Variants in DLGAP2 observed in about 807,000 individuals in gnomAD.
DLGAP2 encodes disks large-associated protein 2.
Under a neutral mutation model 100.3 loss-of-function variants are expected in DLGAP2, and 26 were observed. The ratio of observed to expected loss-of-function variants is 0.26; its 90% confidence interval spans 0.19 to 0.36. DLGAP2 has a LOEUF of 0.36. Ranked by LOEUF, DLGAP2 falls within the 10% of genes least tolerant of loss-of-function variation. The pLI is 1.00. For missense variants in DLGAP2, 1,858 were observed against 1,453.2 expected, an observed-to-expected ratio of 1.28 and a Z score of -4.53; for synonymous variants, 886 against 630.1, an observed-to-expected ratio of 1.41 and a Z score of -6.08.
At chr8:1,650,332 CCTT>C (rs989182658) in intron 8 of DLGAP2, among the ~76,000 whole-genome samples, 17 of 152,186 alleles carry the variant, frequency 1.1e-4, no homozygotes, top group Admixed American at 7.2e-4. Flanking sequence ...AACTTTTGTC[CCTT>C]CTTCTTATCA....
At chr8:1,141,826 A>C (rs972677356) in intron 2 of DLGAP2, among the ~76,000 whole-genome samples, 1 of 152,198 alleles carries the variant, frequency 6.6e-6, no homozygotes, top group East Asian at 1.9e-4. Flanking sequence ...TATTTATACA[A>C]AAGCTTGATG....
At chr8:1,082,351 A>G (rs1466693480) in intron 2 of DLGAP2, among the ~76,000 whole-genome samples, 2 of 152,054 alleles carry the variant, frequency 1.3e-5, no homozygotes, top group African/African-American at 2.4e-5. Context: ...TCCCATTTCT[A>G]CGTTTTCTTT....
chr8:928,204 C>T (rs1398396390), intron 2 of DLGAP2, among the ~76,000 whole-genome samples: 4 of 152,146 alleles, frequency 2.6e-5, no homozygotes, highest in East Asian at 1.9e-4. Context: ...GCCTCATGGA[C>T]GCAGATTTAC....
rs1554558685 is a variant in DLGAP2, at chr8:768,441, T to TTTC, written c.18+30616_18+30617insTTC. On this transcript the variant is annotated intron_variant, in intron 1 of 14. Coordinates refer to ENST00000637795, the MANE Select transcript of DLGAP2 (RefSeq NM_001346810.2). ...TGATTTTTTTTTTTTTTTTTTTTTT[T>TTTC]CTGACATGAATCTTGCTCTGTCTCC... Among the ~76,000 whole-genome samples the TTTC allele has an allele frequency of 4.2e-5, 6 of 143,434 alleles. 1 individual carries two copies. Among genetic ancestry groups the TTTC allele is most frequent in the African/African-American group, 5.1e-5 (2 of 39,098 alleles). 94.1% of individuals were successfully genotyped at this position (143,434 alleles called of 152,430 possible). A position where few individuals can be genotyped will look rare whatever the true frequency, so the allele number is the denominator to read the frequency against.
intron 3 of DLGAP2, among the ~76,000 whole-genome samples, chr8:1,443,418 G>A (rs567909655): frequency 6.6e-6 from 1 of 152,226 alleles, no homozygotes; most frequent in East Asian, 1.9e-4. Flanking sequence ...GGCTGTACAT[G>A]GGTTTATTTC....
At position 1,515,870 on chromosome 8, in the gene DLGAP2, C is replaced by A. The variant is rs1231804414; in HGVS notation, c.172+14439C>A. On this transcript the variant is annotated intron_variant, in intron 4 of 14. Coordinates refer to ENST00000637795, the MANE Select transcript of DLGAP2 (RefSeq NM_001346810.2). ...GACTCTTTAATTCCTTTCCCTTTTC[C>A]TCCACATCTCACAGAGGGATGGGCT... Among the ~76,000 whole-genome samples the A allele has an allele frequency of 4.6e-5, 7 of 152,242 alleles. 1 individual carries two copies. In the South Asian group the frequency reaches 8.3e-4, roughly 18 times the overall value.
At position 1,289,712 on chromosome 8, in the gene DLGAP2, C is replaced by G. The variant is rs567721283; in HGVS notation, c.106+30829C>G. Among the ~76,000 whole-genome samples the G allele has an allele frequency of 3.9e-5, 6 of 152,248 alleles. No individual in the cohort carries two copies. In the South Asian group the frequency reaches 1.2e-3, roughly 32 times the overall value. Reference sequence around the variant, plus strand: ...TTCTCACAGAAGTACCCCCCCGAGGCTAATGTTGTGAGACTGTGCAACCCC... The same window carrying G: ...TTCTCACAGAAGTACCCCCCCGAGGGTAATGTTGTGAGACTGTGCAACCCC... On this transcript the variant is annotated intron_variant, in intron 3 of 14. Transcript: ENST00000637795.
intron 2 of DLGAP2, among the ~76,000 whole-genome samples, chr8:979,376 T>G (rs1800264658): frequency 2.0e-5 from 3 of 152,228 alleles, no homozygotes; most frequent in Admixed American, 2.0e-4. Flanking sequence ...TAGTTGAACC[T>G]AACAGCAGAC....
At chr8:1,378,409 G>A (rs1032716884) in intron 3 of DLGAP2, among the ~76,000 whole-genome samples, 6 of 136,422 alleles carry the variant, frequency 4.4e-5, no homozygotes, top group South Asian at 2.4e-4. Context: ...ACCTGACTTC[G>A]CCTGTCCGTC....
In DLGAP2 at chr8:990,117, C is replaced by T. The variant is rs149470475; in HGVS notation, c.73+82151C>T. Among the ~76,000 whole-genome samples the T allele has an allele frequency of 2.0e-3, 301 of 152,134 alleles. 1 individual carries two copies. Among genetic ancestry groups the T allele is most frequent in the Middle Eastern group, 6.8e-3 (2 of 294 alleles). On this transcript the variant is annotated intron_variant, in intron 2 of 14. Coordinates refer to ENST00000637795, the MANE Select transcript of DLGAP2 (RefSeq NM_001346810.2). ...CATCTACGACTTCAGTGCTGTGTTA[C>T]CTCCTTTCTATCAGCCTGATGATTT...
intron 8 of DLGAP2, among the ~76,000 whole-genome samples, chr8:1,655,574 A>G (rs1331610680): frequency 1.3e-5 from 2 of 151,984 alleles, no homozygotes; most frequent in Non-Finnish European, 2.9e-5. Flanking sequence ...AGTGGTGTCC[A>G]GAATTCCAGG....
At chr8:1,067,425 G>C (rs1803289510) in intron 2 of DLGAP2, among the ~76,000 whole-genome samples, 2 of 152,170 alleles carry the variant, frequency 1.3e-5, no homozygotes, top group South Asian at 4.1e-4. Flanking sequence ...AGGCTCCTGA[G>C]TGTACTTGGG....
chr8:833,248 T>A (rs1796813813), intron 1 of DLGAP2, among the ~76,000 whole-genome samples: 1 of 152,198 alleles, frequency 6.6e-6, no homozygotes, highest in South Asian at 2.1e-4. Context: ...AGCACTCCAG[T>A]ACCCATTTCC....
Position 1,535,758 on chromosome 8 carries a change from C to G in DLGAP2, c.173-12868C>G, listed in dbSNP as rs141537670. On this transcript the variant is annotated intron_variant, in intron 4 of 14. Transcript: ENST00000637795. ...AGCTCTGAGCAGAATTCTCACATATCTCCACTTAGGACACATTGTTGAGCA... is the reference window on the plus strand; with the variant it reads ...AGCTCTGAGCAGAATTCTCACATATGTCCACTTAGGACACATTGTTGAGCA... Among the ~76,000 whole-genome samples, 388 of 152,352 alleles carry G rather than the reference C, an allele frequency of 2.5e-3. 2 individuals carry two copies. Among genetic ancestry groups the G allele is most frequent in the African/African-American group, 8.7e-3 (360 of 41,582 alleles).
intron 2 of DLGAP2, among the ~76,000 whole-genome samples, chr8:1,241,205 T>G (rs1798787544): frequency 1.6e-5 from 1 of 61,382 alleles, no homozygotes; most frequent in South Asian, 4.7e-4. Flanking sequence ...CATGGAGCCA[T>G]GTCTAATTCT....
intron 2 of DLGAP2, among the ~76,000 whole-genome samples, chr8:1,192,668 T>TC (rs1797665109): frequency 6.6e-6 from 1 of 151,480 alleles, no homozygotes; most frequent in South Asian, 2.1e-4. Flanking sequence ...GGTTTCTTTT[T>TC]TTTTTTTTTA....
intron 3 of DLGAP2, among the ~76,000 whole-genome samples, chr8:1,393,055 C>T (rs531784573): frequency 1.2e-4 from 5 of 42,282 alleles, no homozygotes; most frequent in African/African-American, 2.0e-4. Context: ...GCTTACTGAG[C>T]GCCACCTCCT....
intron 1 of DLGAP2, among the ~76,000 whole-genome samples, chr8:854,831 G>A (rs143858268): frequency 6.6e-6 from 1 of 152,206 alleles, no homozygotes; most frequent in Non-Finnish European, 1.5e-5. Flanking sequence ...CCTGAGATGC[G>A]ATGAAGCTCT....
chr8:1,581,916 A>G (rs538180689), intron 6 of DLGAP2, among the ~76,000 whole-genome samples: 1 of 150,952 alleles, frequency 6.6e-6, no homozygotes, highest in Non-Finnish European at 1.5e-5. Context: ...ACAAAACACC[A>G]CACATCTACA....
Sources: gnomAD v4.1 joint callset for allele counts (sites outside exome capture counted in the v4.1 genomes callset) on GRCh38, gnomAD v4.1.1 for gene constraint, MANE v1.5 for transcripts, NCBI Gene and HGNC (gene_info 2026-07-23, HGNC 2026-07-21) for gene names.